The following UBE3A variants were observed in gnomAD, a reference collection of about 807,000 sequenced individuals.
UBE3A encodes ubiquitin protein ligase E3A, also known as ubiquitin-protein ligase E3A.
UBE3A carries 6 observed loss-of-function variants against 83.4 expected under a neutral mutation model. That is an observed-to-expected ratio of 0.07 (90% CI 0.04 to 0.14). The LOEUF (loss-of-function observed/expected upper bound fraction) is 0.14, where lower values mean the gene tolerates loss of function less well. Among genes scored for constraint, UBE3A ranks in the 10% least tolerant of loss-of-function variants. UBE3A has a pLI of 1.00. For missense variants in UBE3A, 456 were observed against 1,036.1 expected (o/e 0.44, Z 7.69); for synonymous variants, 337 against 355.4 (o/e 0.95, Z 0.58).
intron 5 of UBE3A, chr15:25,374,849 T>TTTA (rs1257601267): frequency 1.3e-5 from 2 of 152,814 alleles, no homozygotes; most frequent in East Asian, 3.8e-4. Flanking sequence ...AACTTGGAGT[T>TTTA]TTAGTATTAG....
intron 5 of UBE3A, chr15:25,374,773 G>A (rs918615969): frequency 6.6e-6 from 1 of 152,338 alleles, no homozygotes; most frequent in East Asian, 1.9e-4. Flanking sequence ...GTGGAGGGGC[G>A]CTAAGCCCTG....
At chr15:25,374,056 A>C (rs2080774341) in intron 5 of UBE3A, 1 of 152,248 alleles carries the variant, frequency 6.6e-6, no homozygotes, top group Admixed American at 6.5e-5. Context: ...CATAATTAAT[A>C]ATCAAAATAA....
chr15:25,362,763 T>C (rs1385980350), intron 6 of UBE3A, among the ~76,000 whole-genome samples: 3 of 152,202 alleles, frequency 2.0e-5, no homozygotes, highest in African/African-American at 7.2e-5. Flanking sequence ...CATTCCATAT[T>C]GCCATGTAAT....
At chr15:25,400,832 C>T (rs1183402996) in intron 4 of UBE3A, among the ~76,000 whole-genome samples, 1 of 152,196 alleles carries the variant, frequency 6.6e-6, no homozygotes, top group Non-Finnish European at 1.5e-5. Context: ...ACTTCCGGTA[C>T]TGTGCTGAAT....
At chr15:25,417,008 G>C (rs1887209533) in intron 1 of UBE3A, among the ~76,000 whole-genome samples, 1 of 152,136 alleles carries the variant, frequency 6.6e-6, no homozygotes, top group African/African-American at 2.4e-5. Context: ...GTGCTTGTCT[G>C]AGAAGGCAGA....
chr15:25,353,411 G>A (rs1021156864), intron 11 of UBE3A, among the ~76,000 whole-genome samples: 2 of 152,104 alleles, frequency 1.3e-5, no homozygotes, highest in African/African-American at 4.8e-5. Context: ...ATCCATGCAC[G>A]CTCAAGTTCT....
chr15:25,403,215 T>G (rs1359504956), intron 4 of UBE3A, among the ~76,000 whole-genome samples: 1 of 152,242 alleles, frequency 6.6e-6, no homozygotes, highest in African/African-American at 2.4e-5. Flanking sequence ...CTGATACGGT[T>G]TCTGATTTCA....
Position 25,414,936 on chromosome 15 carries a change from T to C in UBE3A, c.-164-2965A>G, listed in dbSNP as rs1229698703. Among the ~76,000 whole-genome samples the C allele has an allele frequency of 3.9e-5, 6 of 152,214 alleles. No homozygotes were observed. In the East Asian group the frequency reaches 1.2e-3, roughly 29 times the overall value. On this transcript the variant is annotated intron_variant, in intron 1 of 12. Transcript: ENST00000648336. ...GTATCATTTGCTTTTATACTTCCAGTGCTTGCAAATGTTTATAGAATAAGC... is the reference window on the plus strand; with the variant it reads ...GTATCATTTGCTTTTATACTTCCAGCGCTTGCAAATGTTTATAGAATAAGC...
At chr15:25,433,735 G>A (rs952545676) in intron 1 of UBE3A, among the ~76,000 whole-genome samples, 1 of 152,042 alleles carries the variant, frequency 6.6e-6, no homozygotes, top group African/African-American at 2.4e-5. Context: ...TCAGTCATAA[G>A]GCTTAGAATC....
At chr15:25,366,959 A>AT (rs900881160) in intron 6 of UBE3A, among the ~76,000 whole-genome samples, 5 of 151,188 alleles carry the variant, frequency 3.3e-5, no homozygotes, top group Non-Finnish European at 5.9e-5. Context: ...TTATTTATTT[A>AT]TTTTTTTTAA....
rs372268226 is a variant in UBE3A at position 25,380,547 on chromosome 15, A to C, written c.63-4784T>G. Among the ~76,000 whole-genome samples the C allele has an allele frequency of 5.9e-5, 9 of 152,300 alleles. No individual in the cohort carries two copies. The East Asian group carries it at 1.5e-3, about 26-fold the overall frequency. The stretch of plus-strand genomic sequence containing the variant: ...TATACCTTTCCCCAAGTACTATTAA[A>C]GAAAAGAAGAGGAGAGGGGAAAAGG... On this transcript the variant is annotated intron_variant, in intron 4 of 12. Transcript: ENST00000648336.
chr15:25,392,023 T>C (rs962030829), intron 4 of UBE3A, among the ~76,000 whole-genome samples: 3 of 152,030 alleles, frequency 2.0e-5, no homozygotes, highest in African/African-American at 4.8e-5. Context: ...GAGAAGAAAC[T>C]GATAGCTCAC....
chr15:25,423,040 G>C (rs1327431869), intron 1 of UBE3A, among the ~76,000 whole-genome samples: 1 of 151,768 alleles, frequency 6.6e-6, no homozygotes, highest in Non-Finnish European at 1.5e-5. Flanking sequence ...AACTTTGTTA[G>C]CATGCTGAAA....
At chr15:25,351,135 A>G (rs2076430952) in intron 11 of UBE3A, among the ~76,000 whole-genome samples, 1 of 152,222 alleles carries the variant, frequency 6.6e-6, no homozygotes, top group Non-Finnish European at 1.5e-5. Context: ...CATTATTTTG[A>G]AAATTAGTAA....
intron 6 of UBE3A, among the ~76,000 whole-genome samples, chr15:25,365,120 G>C (rs957455027): frequency 6.6e-6 from 1 of 151,914 alleles, no homozygotes; most frequent in Non-Finnish European, 1.5e-5. Flanking sequence ...TCAATTGCTG[G>C]ATAAAATGAT....
In UBE3A at chr15:25,370,501, T is replaced by C; in HGVS notation, c.1608+65A>G. On this transcript the variant is annotated intron_variant, in intron 6 of 12. Transcript: ENST00000648336. The surrounding 1 kb of genome is among the most constrained non-coding windows in gnomAD (Gnocchi z 4.2). The stretch of plus-strand genomic sequence containing the variant: ...TCATTTTTTTCAGTCACTTTTAAAA[T>C]GAATTCACTGAACTGTATCATGATA... 2 of 1,585,864 alleles carry C rather than the reference T, an allele frequency of 1.3e-6. No homozygotes were observed. Among genetic ancestry groups the C allele is most frequent in the Non-Finnish European group, 1.7e-6 (2 of 1,154,430 alleles).
chr15:25,397,921 A>G (rs1185514239), intron 4 of UBE3A, among the ~76,000 whole-genome samples: 1 of 151,706 alleles, frequency 6.6e-6, no homozygotes, highest in Non-Finnish European at 1.5e-5. Flanking sequence ...TCAGCAAATC[A>G]CTCCCTTGTC....
chr15:25,419,869 T>C (rs537335737), intron 1 of UBE3A, among the ~76,000 whole-genome samples: 29 of 152,052 alleles, frequency 1.9e-4, no homozygotes, highest in African/African-American at 6.5e-4. Flanking sequence ...TTGTAAATCC[T>C]AGAAGTATCA....
At chr15:25,368,329 CT>C (rs2079668605) in intron 6 of UBE3A, among the ~76,000 whole-genome samples, 1 of 151,982 alleles carries the variant, frequency 6.6e-6, no homozygotes. Flanking sequence ...ATCAATTTTA[CT>C]TATAAGACCT....
Sources: gnomAD v4.1 joint callset for allele counts (sites outside exome capture counted in the v4.1 genomes callset) on GRCh38, gnomAD v4.1.1 for gene constraint, Gnocchi (gnomAD v3.1) non-coding constraint, MANE v1.5 for transcripts, NCBI Gene and HGNC (gene_info 2026-07-23, HGNC 2026-07-21) for gene names.